Variants in HSPBP1 observed in about 807,000 individuals in gnomAD.
The protein encoded by HSPBP1 is HSPA (Hsp70) binding protein 1.
HSPBP1 carries 31 observed loss-of-function variants against 41.7 expected under a neutral mutation model. The observed-to-expected ratio is 0.74, with a 90% CI of 0.56 to 1.00. The LOEUF is 1.00. Ranked by LOEUF, HSPBP1 falls within the 50% of genes least tolerant of loss-of-function variation. The pLI is 0.00. For missense variants in HSPBP1, 439 were observed against 487.9 expected, an observed-to-expected ratio of 0.90 and a Z score of 0.94; for synonymous variants, 199 against 214.4, an observed-to-expected ratio of 0.93 and a Z score of 0.63.
intron 3 of HSPBP1, among the ~76,000 whole-genome samples, chr19:55,276,422 C>G (rs1215949258): frequency 1.3e-5 from 2 of 152,106 alleles, no homozygotes; most frequent in African/African-American, 4.8e-5. Flanking sequence ...CCTCAGCCCA[C>G]CTTCATCAGC....
chr19:55,272,566 C>T lies in HSPBP1; in HGVS notation c.640+1832G>A, dbSNP rs538226861. Among the ~76,000 whole-genome samples the T allele has an allele frequency of 2.6e-3, 399 of 152,226 alleles. 1 individual carries two copies. Among genetic ancestry groups the T allele is most frequent in the South Asian group, 0.015 (70 of 4,824 alleles). ...AAGATGTTCTGAAATTTTGGCCGGG[C>T]GCAGTGGCTCACGCCTGTAATCCCA... is the stretch of plus-strand genomic sequence containing the variant. On this transcript the variant is annotated intron_variant, in intron 4 of 7. Transcript: ENST00000433386. The surrounding 1 kb of genome is among the most constrained non-coding windows in gnomAD (Gnocchi z 4.2).
At chr19:55,264,382 G>A (rs895924913) in intron 7 of HSPBP1, among the ~76,000 whole-genome samples, 5 of 152,192 alleles carry the variant, frequency 3.3e-5, no homozygotes, top group South Asian at 2.1e-4. Context: ...CTTTGCTGAA[G>A]CACCAGCATT....
Position 55,270,291 on chromosome 19 carries a change from C to T in HSPBP1, c.641-4005G>A, listed in dbSNP as rs1430906000. Among the ~76,000 whole-genome samples the T allele has an allele frequency of 6.6e-6, 1 of 152,220 alleles. No homozygotes were observed. Among genetic ancestry groups the T allele is most frequent in the Non-Finnish European group, 1.5e-5 (1 of 68,034 alleles). ...CGCTCACGCAGCCCGAGCTTCCTGC[C>T]AACTGCCAGCAAAACTCTGCTAGCC... On this transcript the variant is annotated intron_variant, in intron 4 of 7. Transcript: ENST00000433386. The surrounding 1 kb of genome is among the most constrained non-coding windows in gnomAD (Gnocchi z 5.4).
At chr19:55,276,779 G>A (rs1035850238) in intron 3 of HSPBP1, among the ~76,000 whole-genome samples, 3 of 152,050 alleles carry the variant, frequency 2.0e-5, no homozygotes, top group South Asian at 2.1e-4. Context: ...AGGTCTTCTC[G>A]GGGTGCTGCA....
At position 55,262,292 on chromosome 19, in the gene HSPBP1, C is replaced by T. The variant is rs973809272; in HGVS notation, c.*316G>A. On this transcript the variant is annotated 3_prime_UTR_variant, in exon 8 of 8. Coordinates refer to ENST00000433386, the MANE Select transcript of HSPBP1 (RefSeq NM_012267.5). ...CCAAGTCCCTTAAACCCGTGCCCCT[C>T]CTCCCGTCCCCCATGCACCCTCCAA... 2.9e-6 allele frequency: 3 copies of T among 1,036,306 alleles called. No homozygotes were observed. The African/African-American group carries it at 5.0e-5, about 17-fold the overall frequency. 64.2% of individuals were successfully genotyped at this position (1,036,306 alleles called of 1,614,324 possible). A position where few individuals can be genotyped will look rare whatever the true frequency, so the allele number is the denominator to read the frequency against.
intron 3 of HSPBP1, 35 bp downstream of exon 3, chr19:55,277,607 A>G (rs1389858366): frequency 1.3e-6 from 2 of 1,580,376 alleles, no homozygotes; most frequent in Non-Finnish European, 1.7e-6. Context: ...ACATGTACAG[A>G]GGGGCAGAAC....
intron 3 of HSPBP1, among the ~76,000 whole-genome samples, chr19:55,276,104 C>CAAAAAAAAAAAAAAAAA (rs59561808): frequency 1.5e-5 from 1 of 65,992 alleles, no homozygotes; most frequent in African/African-American, 6.2e-5. Flanking sequence ...GAGACTGACT[C>CAAAAAAAAAAAAAAAAA]AAAAAAAAAA....
intron 3 of HSPBP1, 89 bp downstream of exon 3, chr19:55,277,553 G>T: frequency 7.7e-7 from 1 of 1,305,472 alleles, no homozygotes; most frequent in Non-Finnish European, 1.1e-6. Flanking sequence ...GGAGGCTGAC[G>T]GTGTGAGCCC....
chr19:55,263,955 T>C (rs2087709313), intron 7 of HSPBP1, among the ~76,000 whole-genome samples: 1 of 151,392 alleles, frequency 6.6e-6, no homozygotes, highest in South Asian at 2.1e-4. Flanking sequence ...TCAAAACTTC[T>C]CATGTAGTAC....
chr19:55,267,241 C>T (rs575490967), intron 4 of HSPBP1, among the ~76,000 whole-genome samples: 60 of 152,182 alleles, frequency 3.9e-4, no homozygotes, highest in Non-Finnish European at 7.2e-4. Flanking sequence ...AACCTCCGCT[C>T]GCAGGTTCAA....
Position 55,278,918 on chromosome 19 carries a change from C to T in HSPBP1, c.210+481G>A, listed in dbSNP as rs1204486105. Among the ~76,000 whole-genome samples the T allele has an allele frequency of 1.4e-5, 2 of 144,852 alleles. 1 individual carries two copies. Among genetic ancestry groups the T allele is most frequent in the Non-Finnish European group, 3.0e-5 (2 of 65,796 alleles). On this transcript the variant is annotated intron_variant, in intron 2 of 7. Transcript: ENST00000433386. ...TGTGTCCTCCACCCCCAACCCTGCC[C>T]CCACCAAAAAAAAAAAAAAAAAACA...
chr19:55,266,011 G>T, intron 5 of HSPBP1, 29 bp from the exon 6 acceptor site: 1 of 1,574,802 alleles, frequency 6.3e-7, no homozygotes, highest in Non-Finnish European at 8.6e-7. Context: ...GGGTCAGAGG[G>T]GCAGCCCCAC....
In HSPBP1 at chr19:55,277,855, C is replaced by G; in HGVS notation, c.211-9G>C. The G allele has an allele frequency of 6.5e-7, 1 of 1,531,586 alleles. No homozygotes were observed. The highest frequency in any genetic ancestry group is 8.8e-7 in the Non-Finnish European group (1 of 1,140,392). 94.9% of individuals were successfully genotyped at this position (1,531,586 alleles called of 1,614,324 possible). A position where few individuals can be genotyped will look rare whatever the true frequency, so the allele number is the denominator to read the frequency against. ...TGCAGCCACTGACGCCTCTGGAGACCAAGGCGAGGAGGAAAGAAGGAGATC... is the reference window on the plus strand; with the variant it reads ...TGCAGCCACTGACGCCTCTGGAGACGAAGGCGAGGAGGAAAGAAGGAGATC... On this transcript the variant is annotated splice_polypyrimidine_tract_variant and intron_variant, in intron 2 of 7. Transcript: ENST00000433386.
chr19:55,265,579 C>T (rs1448333071), intron 6 of HSPBP1, among the ~76,000 whole-genome samples, 190 bp from the exon 7 acceptor site: 2 of 152,020 alleles, frequency 1.3e-5, no homozygotes, highest in African/African-American at 4.8e-5. Flanking sequence ...CTGAGGGGCT[C>T]AGCACAGGGC....
rs1260471272 is a variant in HSPBP1, at chr19:55,272,667, C to A, written c.640+1731G>T. On this transcript the variant is annotated intron_variant, in intron 4 of 7. Coordinates refer to ENST00000433386, the MANE Select transcript of HSPBP1 (RefSeq NM_012267.5). The surrounding 1 kb of genome is among the most constrained non-coding windows in gnomAD (Gnocchi z 4.2). ...ACCAGCCTGGCCAACAGGGTGAAACCCCGTCTCTACTAAAAATACAAAAAT... is the reference window on the plus strand; with the variant it reads ...ACCAGCCTGGCCAACAGGGTGAAACACCGTCTCTACTAAAAATACAAAAAT... Among the ~76,000 whole-genome samples, 4 of 151,872 alleles carry A rather than the reference C, an allele frequency of 2.6e-5. No homozygotes were observed. Among genetic ancestry groups the A allele is most frequent in the Non-Finnish European group, 4.4e-5 (3 of 67,954 alleles).
At position 55,278,935 on chromosome 19, in the gene HSPBP1, A is replaced by C. The variant is rs979237065; in HGVS notation, c.210+464T>G. Among the ~76,000 whole-genome samples, 5 of 151,600 alleles carry C rather than the reference A, an allele frequency of 3.3e-5. No homozygotes were observed. The East Asian group carries it at 9.7e-4, about 29-fold the overall frequency. On this transcript the variant is annotated intron_variant, in intron 2 of 7. Transcript: ENST00000433386. ...ACCCTGCCCCCACCAAAAAAAAAAA[A>C]AAAAAACAGCAGTCTGACTACAGAG...
intron 2 of HSPBP1, 114 bp downstream of exon 2, chr19:55,279,285 C>A: frequency 1.1e-6 from 1 of 869,774 alleles, no homozygotes. Context: ...TGGTTTTCTG[C>A]CTCCCACCCA....
At position 55,279,612 on chromosome 19, in the gene HSPBP1, C is replaced by A. The variant is rs1170489950; in HGVS notation, c.-4G>T. On this transcript the variant is annotated 5_prime_UTR_variant, in exon 2 of 8. Coordinates refer to ENST00000433386, the MANE Select transcript of HSPBP1 (RefSeq NM_012267.5). ...CCCTTGAGCCTTCGTCTGACATGGG[C>A]CGTTTGTGAAGAAGGGAAGAATGTG... 4 of 1,580,436 alleles carry A rather than the reference C, an allele frequency of 2.5e-6. No homozygotes were observed. The highest frequency in any genetic ancestry group is 3.4e-6 in the Non-Finnish European group (4 of 1,163,236).
intron 2 of HSPBP1, 37 bp downstream of exon 2, chr19:55,279,362 G>A (rs747587688): frequency 1.3e-6 from 2 of 1,543,982 alleles, no homozygotes; most frequent in Non-Finnish European, 1.8e-6. Flanking sequence ...CTGTCCCCAG[G>A]CCCCTCACCC....
Sources: gnomAD v4.1 joint callset for allele counts (sites outside exome capture counted in the v4.1 genomes callset) on GRCh38, gnomAD v4.1.1 for gene constraint, Gnocchi (gnomAD v3.1) non-coding constraint, MANE v1.5 for transcripts, NCBI Gene and HGNC (gene_info 2026-07-23, HGNC 2026-07-21) for gene names.